The following RIT2 variants were observed in gnomAD, a reference collection of about 807,000 sequenced individuals.
RIT2 encodes the protein GTP-binding protein Rit2.
A neutral mutation model predicts 23.7 loss-of-function variants in RIT2; 24 were observed. The ratio of observed to expected loss-of-function variants is 1.01; its 90% CI spans 0.73 to 1.43. The LOEUF is 1.43. Ranked by LOEUF, RIT2 falls within the 40% of genes most tolerant of loss-of-function variation. The pLI is 0.00. For synonymous variants in RIT2, 107 were observed against 91.1 expected, an observed-to-expected ratio of 1.17 and a Z score of -0.99; for missense variants, 236 against 266.9, an observed-to-expected ratio of 0.88 and a Z score of 0.81.
At chr18:42,966,821 T>C (rs1007244193) in intron 3 of RIT2, among the ~76,000 whole-genome samples, 1 of 150,212 alleles carries the variant, frequency 6.7e-6, no homozygotes. Flanking sequence ...TAGACACATA[T>C]AGACATATAT....
At chr18:43,052,603 T>A (rs755671373) in intron 1 of RIT2, among the ~76,000 whole-genome samples, 2 of 152,048 alleles carry the variant, frequency 1.3e-5, no homozygotes, top group African/African-American at 2.4e-5. Flanking sequence ...CAGGGGCTGG[T>A]GATTTATCAA....
chr18:43,100,444 C>T (rs774847368), intron 1 of RIT2, among the ~76,000 whole-genome samples: 7 of 152,122 alleles, frequency 4.6e-5, no homozygotes, highest in Non-Finnish European at 1.0e-4. Flanking sequence ...GTGAGTGAAA[C>T]AAGAGCCATG....
At chr18:42,804,561 T>TAAAAAAAA (rs564202513) in intron 4 of RIT2, among the ~76,000 whole-genome samples, 10 of 52,784 alleles carry the variant, frequency 1.9e-4, no homozygotes, top group East Asian at 8.3e-4. Context: ...GCCTCAAAAC[T>TAAAAAAAA]AAAAAAAAAA....
chr18:42,772,735 G>A (rs1299867867), intron 4 of RIT2, among the ~76,000 whole-genome samples: 1 of 152,078 alleles, frequency 6.6e-6, no homozygotes, highest in East Asian at 1.9e-4. Flanking sequence ...TGACTTTCTT[G>A]GGCTCCTGGA....
At chr18:43,030,486 G>C (rs1391506803) in intron 2 of RIT2, among the ~76,000 whole-genome samples, 1 of 151,968 alleles carries the variant, frequency 6.6e-6, no homozygotes. Flanking sequence ...AAGACCATGA[G>C]AGTCTTCATT....
At chr18:42,938,895 T>C (rs1043114503) in intron 3 of RIT2, among the ~76,000 whole-genome samples, 1 of 152,006 alleles carries the variant, frequency 6.6e-6, no homozygotes, top group Admixed American at 6.6e-5. Context: ...TGTGCCACCA[T>C]GCTCAGCTAA....
At chr18:43,018,404 T>C (rs72899295) in intron 2 of RIT2, among the ~76,000 whole-genome samples, 7,332 of 151,940 alleles carry the variant, frequency 0.048, 218 homozygotes, top group Middle Eastern at 0.13. Context: ...CTACATCAAA[T>C]GGGCTAGTAA....
chr18:42,778,456 A>T (rs1332997890), intron 4 of RIT2, among the ~76,000 whole-genome samples: 1 of 152,184 alleles, frequency 6.6e-6, no homozygotes, highest in African/African-American at 2.4e-5. Flanking sequence ...ACTGGACTTT[A>T]TAAACACTTA....
At chr18:42,922,046 G>A (rs1320134263) in intron 4 of RIT2, among the ~76,000 whole-genome samples, 1 of 152,078 alleles carries the variant, frequency 6.6e-6, no homozygotes, top group African/African-American at 2.4e-5. Context: ...TAAGACAGCA[G>A]AACAGTTGCA....
At chr18:43,105,490 G>GAAGGGAGGAAGAGAGGAAGGGAGGGAGGA (rs1568083814) in intron 1 of RIT2, among the ~76,000 whole-genome samples, 1 of 118,240 alleles carries the variant, frequency 8.5e-6, no homozygotes, top group Admixed American at 8.9e-5. Flanking sequence ...GGGAGGAAGG[G>GAAGGGAGGAAGAGAGGAAGGGAGGGAGGA]AGGAAGAAAG....
At chr18:42,784,382 T>C (rs1244585231) in intron 4 of RIT2, among the ~76,000 whole-genome samples, 1 of 152,058 alleles carries the variant, frequency 6.6e-6, no homozygotes, top group African/African-American at 2.4e-5. Flanking sequence ...TCAACCACTG[T>C]GCTGCTATTT....
intron 1 of RIT2, among the ~76,000 whole-genome samples, chr18:43,042,557 C>T (rs1912153210): frequency 6.6e-6 from 1 of 152,206 alleles, no homozygotes; most frequent in African/African-American, 2.4e-5. Flanking sequence ...CTCACTTGGG[C>T]CTTCTCTGCG....
intron 4 of RIT2, among the ~76,000 whole-genome samples, chr18:42,874,872 G>C (rs1167905216): frequency 6.6e-6 from 1 of 152,092 alleles, no homozygotes; most frequent in Non-Finnish European, 1.5e-5. Context: ...AAGGAGTCCA[G>C]ATAAGGTTCA....
chr18:42,971,204 T>C (rs1370877769), intron 3 of RIT2, among the ~76,000 whole-genome samples: 2 of 152,000 alleles, frequency 1.3e-5, no homozygotes, highest in African/African-American at 2.4e-5. Context: ...TTCAATGGTG[T>C]TCTCTCCTGT....
At chr18:42,875,215 G>A (rs564721098) in intron 4 of RIT2, among the ~76,000 whole-genome samples, 25 of 151,872 alleles carry the variant, frequency 1.6e-4, no homozygotes, top group Non-Finnish European at 3.7e-4. Flanking sequence ...CCTGTCCTTT[G>A]AGATAAGTAA....
chr18:42,817,638 G>A (rs1280623419), intron 4 of RIT2, among the ~76,000 whole-genome samples: 1 of 151,984 alleles, frequency 6.6e-6, no homozygotes, highest in African/African-American at 2.4e-5. Flanking sequence ...AATGGAGATT[G>A]AGAATTGGAG....
intron 2 of RIT2, among the ~76,000 whole-genome samples, chr18:42,983,562 G>C (rs563738074): frequency 6.6e-6 from 1 of 152,062 alleles, no homozygotes; most frequent in East Asian, 1.9e-4. Flanking sequence ...ATGAGGAAAA[G>C]ACCAGCTAGA....
chr18:42,888,213 C>T (rs189234416), intron 4 of RIT2, among the ~76,000 whole-genome samples: 3 of 150,304 alleles, frequency 2.0e-5, no homozygotes, highest in South Asian at 2.1e-4. Flanking sequence ...ACCACTGTGG[C>T]GGGGGATTTT....
intron 4 of RIT2, among the ~76,000 whole-genome samples, chr18:42,835,557 A>G (rs1255997791): frequency 6.6e-6 from 1 of 152,160 alleles, no homozygotes; most frequent in Non-Finnish European, 1.5e-5. Flanking sequence ...TTTAATAGAT[A>G]TTATAGCAGG....
Sources: allele counts gnomAD v4.1 joint callset (sites outside exome capture counted in the v4.1 genomes callset), GRCh38; gene constraint gnomAD v4.1.1; transcripts MANE v1.5; gene names NCBI Gene and HGNC (gene_info 2026-07-23, HGNC 2026-07-21).